Variants in OR51A4 observed in about 807,000 individuals in gnomAD.
OR51A4 encodes the protein olfactory receptor family 51 subfamily A member 4, also known as olfactory receptor 51A4.
For missense variants in OR51A4, 243 were observed against 364.0 expected (o/e 0.67, Z 2.70); for synonymous variants, 96 against 141.5 (o/e 0.68, Z 2.28).
At position 4,946,829 on chromosome 11, in the gene OR51A4, G is replaced by C; in HGVS notation, c.272C>G (p.Ala91Gly). Residue 91 changes from alanine to glycine, a missense_variant, in exon 2 of 2, where the codon GCT becomes GGT. Coordinates refer to ENST00000641898, the MANE Select transcript of OR51A4 (RefSeq NM_001005329.2). Reference protein sequence around the residue: ...PTVLSIFLFNAPEISSNACFA... With the variant: ...PTVLSIFLFNGPEISSNACFA... ...GCAGGCATTGGATGAAATTTCAGGA[G>C]CATTGAACAGGAAGATGCTTAACAC... The C allele has an allele frequency of 6.3e-7, 1 of 1,587,684 alleles. No individual in the cohort carries two copies. The highest frequency in any genetic ancestry group is 1.7e-5 in the Admixed American group (1 of 59,204).
chr11:4,947,509 T>C, intron 1 of OR51A4, 36 bp downstream of exon 1: 1 of 141,334 alleles, frequency 7.1e-6, no homozygotes, highest in Non-Finnish European at 1.5e-5. Flanking sequence ...AATAGTCAAA[T>C]GAAAGCTAAA....
In OR51A4 at chr11:4,943,583, G is replaced by A; in HGVS notation, c.*2576C>T. 1 of 418,818 alleles carries A rather than the reference G, an allele frequency of 2.4e-6. No individual in the cohort carries two copies. The highest frequency in any genetic ancestry group is 2.6e-5 in the Admixed American group (1 of 38,304). The allele number at this position is 418,818 out of a possible 1,614,324, so 25.9% of individuals were successfully genotyped here. ...TAAAGAATGGTTAGTAGCGTCTCCG[G>A]CCTCTAATCAGTGGAAGTCAGTGAC... On this transcript the variant is annotated 3_prime_UTR_variant, in exon 2 of 2. Transcript: ENST00000641898.
At position 4,943,676 on chromosome 11, in the gene OR51A4, A is replaced by G. The variant is rs1394607251; in HGVS notation, c.*2483T>C. On this transcript the variant is annotated 3_prime_UTR_variant, in exon 2 of 2. Coordinates refer to ENST00000641898, the MANE Select transcript of OR51A4 (RefSeq NM_001005329.2). ...ACATTGCCAAATGTCTCTTGGAGGT[A>G]ACATTGCTGCCAGTTGAGAACCACT... 1.1e-5 allele frequency: 4 copies of G among 357,572 alleles called. No individual in the cohort carries two copies. Among genetic ancestry groups the G allele is most frequent in the Non-Finnish European group, 2.2e-5 (4 of 180,416 alleles). The allele number at this position is 357,572 out of a possible 1,614,324, so 22.1% of individuals were successfully genotyped here.
At position 4,944,012 on chromosome 11, in the gene OR51A4, C is replaced by A; in HGVS notation, c.*2147G>T. 1 of 423,422 alleles carries A rather than the reference C, an allele frequency of 2.4e-6. No individual in the cohort carries two copies. Among genetic ancestry groups the A allele is most frequent in the Admixed American group, 2.8e-5 (1 of 35,942 alleles). 26.2% of individuals were successfully genotyped at this position (423,422 alleles called of 1,614,324 possible). ...CTTCATATTGGGCTGCCTATCCGCA[C>A]ACTGGGAGAATATGAGCTTCTATTT... On this transcript the variant is annotated 3_prime_UTR_variant, in exon 2 of 2. Transcript: ENST00000641898.
rs1589947335 is a variant in OR51A4 at position 4,946,057 on chromosome 11, C to T, written c.*102G>A. The T allele has an allele frequency of 2.1e-6, 2 of 962,414 alleles. No individual in the cohort carries two copies. Among genetic ancestry groups the T allele is most frequent in the Admixed American group, 4.6e-5 (2 of 43,918 alleles). 59.6% of individuals were successfully genotyped at this position (962,414 alleles called of 1,614,324 possible). A position where few individuals can be genotyped will look rare whatever the true frequency, so the allele number is the denominator to read the frequency against. On this transcript the variant is annotated 3_prime_UTR_variant, in exon 2 of 2. Coordinates refer to ENST00000641898, the MANE Select transcript of OR51A4 (RefSeq NM_001005329.2). ...GAATAAAATAACTCTATGACAACAACAAAAATATGTGTTGATAATTCTTGG... is the reference window on the plus strand; with the variant it reads ...GAATAAAATAACTCTATGACAACAATAAAAATATGTGTTGATAATTCTTGG...
chr11:4,944,132 T>G lies in OR51A4; in HGVS notation c.*2027A>C. 1 of 455,912 alleles carries G rather than the reference T, an allele frequency of 2.2e-6. No homozygotes were observed. Among genetic ancestry groups the G allele is most frequent in the Middle Eastern group, 3.3e-4 (1 of 3,062 alleles). 28.2% of individuals were successfully genotyped at this position (455,912 alleles called of 1,614,324 possible). On this transcript the variant is annotated 3_prime_UTR_variant, in exon 2 of 2. Coordinates refer to ENST00000641898, the MANE Select transcript of OR51A4 (RefSeq NM_001005329.2). ...TAAGGTTTTGGAAAAGGTAGATAGA[T>G]ACAGTTATGCACCTCAAACATAGGA...
Position 4,943,703 on chromosome 11 carries a change from T to C in OR51A4, c.*2456A>G, listed in dbSNP as rs548480709. 1 of 355,672 alleles carries C rather than the reference T, an allele frequency of 2.8e-6. No homozygotes were observed. Among genetic ancestry groups the C allele is most frequent in the Non-Finnish European group, 5.6e-6 (1 of 179,858 alleles). 22.0% of individuals were successfully genotyped at this position (355,672 alleles called of 1,614,324 possible). A position where few individuals can be genotyped will look rare whatever the true frequency, so the allele number is the denominator to read the frequency against. ...CATTGCTGCCAGTTGAGAACCACTG[T>C]TTAAGGAGCCCCAGAGTTGAGATTT... On this transcript the variant is annotated 3_prime_UTR_variant, in exon 2 of 2. Coordinates refer to ENST00000641898, the MANE Select transcript of OR51A4 (RefSeq NM_001005329.2).
In OR51A4 at chr11:4,945,200, A is replaced by G. The variant is rs1416288549; in HGVS notation, c.*959T>C. On this transcript the variant is annotated 3_prime_UTR_variant, in exon 2 of 2. Coordinates refer to ENST00000641898, the MANE Select transcript of OR51A4 (RefSeq NM_001005329.2). ...AGATAAAAGAGAAGATCATAATACA[A>G]ACTAGGGCTAGGTAATCTATGAGGA... The G allele has an allele frequency of 6.6e-6, 1 of 152,156 alleles. No homozygotes were observed. The highest frequency in any genetic ancestry group is 1.9e-4 in the East Asian group (1 of 5,190). The allele number at this position is 152,156 out of a possible 1,614,324, so 9.4% of individuals were successfully genotyped here.
Position 4,944,399 on chromosome 11 carries a change from G to C in OR51A4, c.*1760C>G, listed in dbSNP as rs1346902703. 1 of 163,552 alleles carries C rather than the reference G, an allele frequency of 6.1e-6. No individual in the cohort carries two copies. Among genetic ancestry groups the C allele is most frequent in the African/African-American group, 2.4e-5 (1 of 41,482 alleles). The allele number at this position is 163,552 out of a possible 1,614,324, so 10.1% of individuals were successfully genotyped here. On this transcript the variant is annotated 3_prime_UTR_variant, in exon 2 of 2. Transcript: ENST00000641898. Reference sequence around the variant, plus strand: ...GGAAAAAACCTTTTATAAAAAGCTGGGTCATTGTTGAGAGCAAATTTTTAA... The same window carrying C: ...GGAAAAAACCTTTTATAAAAAGCTGCGTCATTGTTGAGAGCAAATTTTTAA...
At position 4,946,118 on chromosome 11, in the gene OR51A4, A is replaced by G. The variant is rs748153566; in HGVS notation, c.*41T>C. On this transcript the variant is annotated 3_prime_UTR_variant, in exon 2 of 2. Coordinates refer to ENST00000641898, the MANE Select transcript of OR51A4 (RefSeq NM_001005329.2). ...TAGGTTTCTCAAATTTACCTTAAAT[A>G]TCTTACCAGACATTTCCAGGTTTTC... is the stretch of plus-strand genomic sequence containing the variant. 1 of 1,543,282 alleles carries G rather than the reference A, an allele frequency of 6.5e-7. No individual in the cohort carries two copies. Among genetic ancestry groups the G allele is most frequent in the Non-Finnish European group, 8.9e-7 (1 of 1,119,746 alleles).
chr11:4,944,713 A>G lies in OR51A4; in HGVS notation c.*1446T>C, dbSNP rs1846267922. The G allele has an allele frequency of 6.6e-6, 1 of 152,178 alleles. No homozygotes were observed. The highest frequency in any genetic ancestry group is 6.5e-5 in the Admixed American group (1 of 15,282). The allele number at this position is 152,178 out of a possible 1,614,324, so 9.4% of individuals were successfully genotyped here. Reference sequence around the variant, plus strand: ...TGCAAGATTTTGAGGTCATATTAGGAAGGAAAGTTGGACAATTTTTCAGCC... The same window carrying G: ...TGCAAGATTTTGAGGTCATATTAGGGAGGAAAGTTGGACAATTTTTCAGCC... On this transcript the variant is annotated 3_prime_UTR_variant, in exon 2 of 2. Coordinates refer to ENST00000641898, the MANE Select transcript of OR51A4 (RefSeq NM_001005329.2).
chr11:4,943,652 C>T lies in OR51A4; in HGVS notation c.*2507G>A, dbSNP rs960340411. On this transcript the variant is annotated 3_prime_UTR_variant, in exon 2 of 2. Transcript: ENST00000641898. ...TGCAACAACCGAAGATGTCCCCAGA[C>T]ATTGCCAAATGTCTCTTGGAGGTAA... 8.2e-6 allele frequency: 3 copies of T among 363,952 alleles called. No homozygotes were observed. Among genetic ancestry groups the T allele is most frequent in the African/African-American group, 2.1e-5 (1 of 47,054 alleles). 22.5% of individuals were successfully genotyped at this position (363,952 alleles called of 1,614,324 possible).
Position 4,946,232 on chromosome 11 carries a change from G to A in OR51A4, c.869C>T (p.Pro290Leu), listed in dbSNP as rs1385660063. Residue 290 changes from proline to leucine, a missense_variant, in exon 2 of 2, where the codon CCA (proline) becomes CTA (leucine). Pro to Leu is a moderately conservative substitution (Grantham distance 98). Transcript: ENST00000641898. ...VLLLVPPLTN[P>L]IVYCVKTKQI... Reference sequence around the variant, plus strand: ...TTTAGTTTTTACACAATAAACAATTGGGTTCGTCAGTGGAGGTACAAGTAG... The same window carrying A: ...TTTAGTTTTTACACAATAAACAATTAGGTTCGTCAGTGGAGGTACAAGTAG... 1 of 1,613,780 alleles carries A rather than the reference G, an allele frequency of 6.2e-7. No individual in the cohort carries two copies. The highest frequency in any genetic ancestry group is 1.3e-5 in the African/African-American group (1 of 74,740).
At position 4,946,169 on chromosome 11, in the gene OR51A4, C is replaced by T. The variant is rs138815727; in HGVS notation, c.932G>A (p.Arg311Gln). The T allele has an allele frequency of 3.6e-5, 58 of 1,613,574 alleles. No homozygotes were observed. The highest frequency in any genetic ancestry group is 1.6e-4 in the Middle Eastern group (1 of 6,084). Residue 311 changes from arginine to glutamine, a missense_variant, in exon 2 of 2, where the codon CGG (arginine) becomes CAG (glutamine). Coordinates refer to ENST00000641898, the MANE Select transcript of OR51A4 (RefSeq NM_001005329.2). ...RVRVVAKLCQ[R>Q]KI Reference sequence around the variant, plus strand: ...TGTCACATATGACTGTTAAATCTTCCGTTGACACAATTTTGCTACAACTCT... The same window carrying T: ...TGTCACATATGACTGTTAAATCTTCTGTTGACACAATTTTGCTACAACTCT...
Position 4,945,304 on chromosome 11 carries a change from C to A in OR51A4, c.*855G>T, listed in dbSNP as rs1200466169. On this transcript the variant is annotated 3_prime_UTR_variant, in exon 2 of 2. Transcript: ENST00000641898. ...TCAAGAGCATTTTAACAAAAGAGAT[C>A]TGATGTGAAAACTCAAGAAAGCAAA... 1.3e-5 allele frequency: 2 copies of A among 152,082 alleles called. No individual in the cohort carries two copies. Among genetic ancestry groups the A allele is most frequent in the Non-Finnish European group, 2.9e-5 (2 of 68,012 alleles). The allele number at this position is 152,082 out of a possible 1,614,324, so 9.4% of individuals were successfully genotyped here. A position where few individuals can be genotyped will look rare whatever the true frequency, so the allele number is the denominator to read the frequency against.
Position 4,944,265 on chromosome 11 carries a change from T to A in OR51A4, c.*1894A>T. The A allele has an allele frequency of 4.3e-6, 1 of 231,456 alleles. No individual in the cohort carries two copies. The highest frequency in any genetic ancestry group is 8.7e-6 in the Non-Finnish European group (1 of 115,578). The allele number at this position is 231,456 out of a possible 1,614,324, so 14.3% of individuals were successfully genotyped here. On this transcript the variant is annotated 3_prime_UTR_variant, in exon 2 of 2. Coordinates refer to ENST00000641898, the MANE Select transcript of OR51A4 (RefSeq NM_001005329.2). The stretch of plus-strand genomic sequence containing the variant: ...CTAAAATGTATTCAAGATAATACTA[T>A]CCTGGAGCATCAGAGATTAGGTTTG...
At chr11:4,947,517 A>G (rs2133608345) in intron 1 of OR51A4, 28 bp downstream of exon 1, 1 of 140,094 alleles carries the variant, frequency 7.1e-6, no homozygotes, top group Admixed American at 7.9e-5. Flanking sequence ...AATGAAAGCT[A>G]AATAAATGAG....
chr11:4,944,635 G>T lies in OR51A4; in HGVS notation c.*1524C>A, dbSNP rs1413113175. ...TTGAACTGACGTGGTTGATAAAAAT[G>T]ACTTGATTCAATGGGTAGGTAAAAT... On this transcript the variant is annotated 3_prime_UTR_variant, in exon 2 of 2. Transcript: ENST00000641898. 6.6e-6 allele frequency: 1 copy of T among 152,100 alleles called. No individual in the cohort carries two copies. Among genetic ancestry groups the T allele is most frequent in the African/African-American group, 2.4e-5 (1 of 41,424 alleles). 9.4% of individuals were successfully genotyped at this position (152,100 alleles called of 1,614,324 possible).
At position 4,944,941 on chromosome 11, in the gene OR51A4, A is replaced by G. The variant is rs1171400378; in HGVS notation, c.*1218T>C. The G allele has an allele frequency of 1.3e-5, 2 of 152,176 alleles. No individual in the cohort carries two copies. The highest frequency in any genetic ancestry group is 2.9e-5 in the Non-Finnish European group (2 of 68,016). The allele number at this position is 152,176 out of a possible 1,614,324, so 9.4% of individuals were successfully genotyped here. ...CTTATTTTTAAATTCATTCATTAGC[A>G]ATTATTTATTAAAATCTACTCTGCA... On this transcript the variant is annotated 3_prime_UTR_variant, in exon 2 of 2. Coordinates refer to ENST00000641898, the MANE Select transcript of OR51A4 (RefSeq NM_001005329.2).
Sources: gnomAD v4.1 joint callset for allele counts on GRCh38, gnomAD v4.1.1 for gene constraint, MANE v1.5 for transcripts, NCBI Gene and HGNC (gene_info 2026-07-23, HGNC 2026-07-21) for gene names.